The following SNRNP27 variants were observed in gnomAD, a reference collection of about 807,000 sequenced individuals.
SNRNP27 encodes small nuclear ribonucleoprotein U4/U6.U5 subunit 27, also known as U4/U6.U5 small nuclear ribonucleoprotein 27 kDa protein.
In SNRNP27, 22 loss-of-function variants were observed where a neutral mutation model predicts 25.1. The observed-to-expected ratio is 0.88, with a 90% confidence interval of 0.63 to 1.25. The LOEUF is 1.25. Among genes scored for constraint, SNRNP27 ranks in the 50% most tolerant of loss-of-function variants. The pLI is 0.00. For synonymous variants in SNRNP27, 66 were observed against 64.9 expected (o/e 1.02, Z -0.08); for missense variants, 150 against 202.3 (o/e 0.74, Z 1.57).
intron 2 of SNRNP27, among the ~76,000 whole-genome samples, chr2:69,895,926 G>C (rs568192113): frequency 3.3e-5 from 5 of 151,338 alleles, no homozygotes; most frequent in Non-Finnish European, 5.9e-5. Context: ...AAGAATGGAT[G>C]ATCTTGGAAG....
At position 69,905,090 on chromosome 2, in the gene SNRNP27, A is replaced by G. The variant is rs1423231539; in HGVS notation, c.*782A>G. On this transcript the variant is annotated 3_prime_UTR_variant, in exon 6 of 6. Coordinates refer to ENST00000244227, the MANE Select transcript of SNRNP27 (RefSeq NM_006857.3). ...CTGTGAACATTTAAAAAGTACTTTT[A>G]AATATTCTTTGGAAACTTAGCTTTT... 6.6e-6 allele frequency: 1 copy of G among 152,116 alleles called. No individual in the cohort carries two copies. Among genetic ancestry groups the G allele is most frequent in the Non-Finnish European group, 1.5e-5 (1 of 68,004 alleles). The allele number at this position is 152,116 out of a possible 1,614,324, so 9.4% of individuals were successfully genotyped here.
At chr2:69,902,811 C>A (rs1292435466) in intron 4 of SNRNP27, among the ~76,000 whole-genome samples, 8 of 151,934 alleles carry the variant, frequency 5.3e-5, no homozygotes, top group Non-Finnish European at 1.2e-4. Flanking sequence ...TCTGCTTCTT[C>A]CCCTTCCGCT....
Position 69,895,092 on chromosome 2 carries a change from A to G in SNRNP27, c.35-2A>G. 1 of 1,612,894 alleles carries G rather than the reference A, an allele frequency of 6.2e-7. No homozygotes were observed. Among genetic ancestry groups the G allele is most frequent in the South Asian group, 1.1e-5 (1 of 91,030 alleles). ...TCTGCAATTTGTGTGCGTTTGCATT[A>G]GAACGTAGGCGTTCCCGGTCCACAT... On this transcript the variant is annotated splice_acceptor_variant, in intron 1 of 5. Transcript: ENST00000244227. LOFTEE classifies it high-confidence loss of function.
At chr2:69,903,657 C>T (rs1676747852) in intron 5 of SNRNP27, among the ~76,000 whole-genome samples, 1 of 152,142 alleles carries the variant, frequency 6.6e-6, no homozygotes, top group Non-Finnish European at 1.5e-5. Context: ...GCGAACCAAT[C>T]CATACATGAA....
In SNRNP27 at chr2:69,904,649, A is replaced by G; in HGVS notation, c.*341A>G. The G allele has an allele frequency of 2.3e-6, 1 of 437,940 alleles. No homozygotes were observed. Among genetic ancestry groups the G allele is most frequent in the Non-Finnish European group, 4.0e-6 (1 of 250,358 alleles). 27.1% of individuals were successfully genotyped at this position (437,940 alleles called of 1,614,324 possible). A position where few individuals can be genotyped will look rare whatever the true frequency, so the allele number is the denominator to read the frequency against. On this transcript the variant is annotated 3_prime_UTR_variant, in exon 6 of 6. Coordinates refer to ENST00000244227, the MANE Select transcript of SNRNP27 (RefSeq NM_006857.3). ...TAATTTGGAAGTAAGTTTATCCAAT[A>G]AAGCAGTATTTCTACCCTTTTAGAT...
chr2:69,895,026 A>G, intron 1 of SNRNP27, 68 bp from the exon 2 acceptor site: 3 of 1,586,226 alleles, frequency 1.9e-6, no homozygotes, highest in South Asian at 1.1e-5. Flanking sequence ...TTATTTTTCT[A>G]CTGGACGGCG....
chr2:69,895,362 A>G, intron 2 of SNRNP27, 148 bp downstream of exon 2: 1 of 1,039,130 alleles, frequency 9.6e-7, no homozygotes, highest in Admixed American at 2.9e-5. Flanking sequence ...TCTAAAGCTA[A>G]CATTCACCTT....
chr2:69,901,067 G>A lies in SNRNP27; in HGVS notation c.349-2114G>A, dbSNP rs776167862. On this transcript the variant is annotated intron_variant, in intron 4 of 5. Coordinates refer to ENST00000244227, the MANE Select transcript of SNRNP27 (RefSeq NM_006857.3). ...TGCATGCCTGTAGTCCCAGCTATTC[G>A]ATAGGCTGAGGCAGGAGAATCACTT... Among the ~76,000 whole-genome samples, 14 of 151,976 alleles carry A rather than the reference G, an allele frequency of 9.2e-5. No homozygotes were observed. In the South Asian group the frequency reaches 1.2e-3, roughly 14 times the overall value.
At chr2:69,902,938 CTTTTTTTTTTTT>C (rs761833954) in intron 4 of SNRNP27, among the ~76,000 whole-genome samples, 6 of 92,412 alleles carry the variant, frequency 6.5e-5, no homozygotes, top group Admixed American at 4.0e-4. Context: ...TCTTCTTCTT[CTTTTTTTTTTTT>C]TTTTTTTTTT....
At chr2:69,898,873 GT>G (rs1676646058) in intron 4 of SNRNP27, among the ~76,000 whole-genome samples, 1 of 152,138 alleles carries the variant, frequency 6.6e-6, no homozygotes, top group Non-Finnish European at 1.5e-5. Context: ...ATAAATGAAA[GT>G]TTATTAAGAT....
At chr2:69,901,200 A>G (rs1558562218) in intron 4 of SNRNP27, among the ~76,000 whole-genome samples, 1 of 152,068 alleles carries the variant, frequency 6.6e-6, no homozygotes, top group South Asian at 2.1e-4. Flanking sequence ...AAAGAAAGAA[A>G]TAGAGGGTAC....
At chr2:69,898,662 GT>G (rs1676641329) in intron 4 of SNRNP27, among the ~76,000 whole-genome samples, 1 of 152,164 alleles carries the variant, frequency 6.6e-6, no homozygotes, top group Non-Finnish European at 1.5e-5. Flanking sequence ...TAATGTGACT[GT>G]GTAGGGCTCA....
intron 4 of SNRNP27, among the ~76,000 whole-genome samples, chr2:69,901,471 C>T (rs144046924): frequency 4.3e-4 from 66 of 152,290 alleles, no homozygotes; most frequent in African/African-American, 1.5e-3. Context: ...TGGAGTAACA[C>T]ATAACAACCT....
chr2:69,894,035 T>C lies in SNRNP27; in HGVS notation c.34+17T>C. Reference sequence around the variant, plus strand: ...CACGGAGGGGTGAGTCCTGTAGCAATTCGGAGGATATGGGGCTCTGTTGGA... The same window carrying C: ...CACGGAGGGGTGAGTCCTGTAGCAACTCGGAGGATATGGGGCTCTGTTGGA... On this transcript the variant is annotated intron_variant, in intron 1 of 5. Transcript: ENST00000244227. The C allele has an allele frequency of 6.2e-7, 1 of 1,611,042 alleles. No homozygotes were observed. Among genetic ancestry groups the C allele is most frequent in the East Asian group, 2.2e-5 (1 of 44,832 alleles).
rs2278934 is a variant in SNRNP27 at position 69,894,065 on chromosome 2, T to G, written c.34+47T>G. 5 of 1,528,124 alleles carry G rather than the reference T, an allele frequency of 3.3e-6. No individual in the cohort carries two copies. The South Asian group carries it at 5.6e-5, about 17-fold the overall frequency. 94.7% of individuals were successfully genotyped at this position (1,528,124 alleles called of 1,614,324 possible). Reference sequence around the variant, plus strand: ...AGGATATGGGGCTCTGTTGGAGGCCTGTCCCTTTTGTTTTATTTTGTTTTG... The same window carrying G: ...AGGATATGGGGCTCTGTTGGAGGCCGGTCCCTTTTGTTTTATTTTGTTTTG... On this transcript the variant is annotated intron_variant, in intron 1 of 5. Coordinates refer to ENST00000244227, the MANE Select transcript of SNRNP27 (RefSeq NM_006857.3).
intron 4 of SNRNP27, among the ~76,000 whole-genome samples, chr2:69,899,684 C>T (rs1676660722): frequency 6.6e-6 from 1 of 152,172 alleles, no homozygotes; most frequent in Admixed American, 6.5e-5. Flanking sequence ...CCTGCCTTGG[C>T]CTCCCAAAGT....
intron 4 of SNRNP27, among the ~76,000 whole-genome samples, chr2:69,900,884 A>C (rs186486302): frequency 1.9e-4 from 29 of 152,284 alleles, no homozygotes; most frequent in African/African-American, 7.0e-4. Context: ...GGTAGAAAAT[A>C]GAGGGTACTG....
At chr2:69,897,006 T>G (rs895094233) in intron 3 of SNRNP27, among the ~76,000 whole-genome samples, 8 of 152,156 alleles carry the variant, frequency 5.3e-5, no homozygotes, top group African/African-American at 1.7e-4. Context: ...CCTAGCAAGT[T>G]GCTGGTTATC....
In SNRNP27 at chr2:69,895,135, A is replaced by G; in HGVS notation, c.76A>G (p.Arg26Gly). Residue 26 changes from arginine (R) to glycine (G), a missense_variant, in exon 2 of 6, where the codon AGG becomes GGG. This residue lies in a region of SNRNP27 where 142 missense variants were observed against 168.6 expected (regional missense o/e 0.84). Coordinates refer to ENST00000244227, the MANE Select transcript of SNRNP27 (RefSeq NM_006857.3). The part of the protein sequence containing the change: ...SRSTSRERER[R>G]RRERSRSRER... The stretch of plus-strand genomic sequence containing the variant: ...GTCCACATCCCGGGAGAGAGAACGC[A>G]GGCGCCGAGAAAGGTCCAGGTCTCG... 6.2e-7 allele frequency: 1 copy of G among 1,613,878 alleles called. No homozygotes were observed. Among genetic ancestry groups the G allele is most frequent in the Non-Finnish European group, 8.5e-7 (1 of 1,179,964 alleles).
Sources: allele counts gnomAD v4.1 joint callset (sites outside exome capture counted in the v4.1 genomes callset), GRCh38; gene constraint gnomAD v4.1.1; regional missense constraint gnomAD v4.1.1; transcripts MANE v1.5; gene names NCBI Gene and HGNC (gene_info 2026-07-23, HGNC 2026-07-21).